CDK13: variants seen among roughly 807,000 people sequenced by gnomAD.
The protein encoded by CDK13 is cyclin dependent kinase 13, also known as cyclin-dependent kinase 13.
Under a neutral mutation model 137.6 loss-of-function variants are expected in CDK13, and 40 were observed. The observed-to-expected ratio is 0.29, with a 90% CI of 0.23 to 0.38. The LOEUF (loss-of-function observed/expected upper bound fraction) is 0.38. Ranked by LOEUF, CDK13 falls within the 10% of genes least tolerant of loss-of-function variation. CDK13 has a pLI of 1.00. For synonymous variants in CDK13, 869 were observed against 760.1 expected (o/e 1.14, Z -2.36); for missense variants, 1,704 against 1,951.8 (o/e 0.87, Z 2.39).
intron 5 of CDK13, among the ~76,000 whole-genome samples, chr7:40,026,776 A>T (rs1409564101): frequency 6.6e-6 from 1 of 152,206 alleles, no homozygotes; most frequent in African/African-American, 2.4e-5. Flanking sequence ...TGAAAATACT[A>T]GGAGAAAATT....
chr7:40,045,717 G>A (rs987845100), intron 5 of CDK13, 119 bp from the exon 6 acceptor site: 2 of 631,384 alleles, frequency 3.2e-6, no homozygotes, highest in Non-Finnish European at 5.4e-6. Flanking sequence ...AAGTAACAAA[G>A]TAACACTTCT....
At chr7:39,963,656 A>G (rs1783801922) in intron 1 of CDK13, among the ~76,000 whole-genome samples, 1 of 152,186 alleles carries the variant, frequency 6.6e-6, no homozygotes, top group Non-Finnish European at 1.5e-5. Flanking sequence ...AACTTCCAAC[A>G]CTATGTTGAA....
At chr7:39,957,950 G>T (rs968482513) in intron 1 of CDK13, among the ~76,000 whole-genome samples, 8 of 151,902 alleles carry the variant, frequency 5.3e-5, no homozygotes, top group African/African-American at 1.7e-4. Context: ...TTTTGGTTTT[G>T]GTTGGCTTTG....
At chr7:40,030,422 A>AT (rs34922492) in intron 5 of CDK13, among the ~76,000 whole-genome samples, 1,639 of 66,010 alleles carry the variant, frequency 0.025, 98 homozygotes, top group Non-Finnish European at 0.036. Flanking sequence ...GCAACCACTG[A>AT]TTTTTTTTTT....
At chr7:40,013,793 G>C (rs182120237) in intron 5 of CDK13, among the ~76,000 whole-genome samples, 1 of 151,848 alleles carries the variant, frequency 6.6e-6, no homozygotes, top group Non-Finnish European at 1.5e-5. Context: ...GTTATTTAAG[G>C]AAAAAAACGA....
chr7:40,077,934 G>A, intron 9 of CDK13, 71 bp from the exon 10 acceptor site: 2 of 624,532 alleles, frequency 3.2e-6, no homozygotes, highest in Non-Finnish European at 5.4e-6. Context: ...ATGAGTTGAT[G>A]TTTTGTATAA....
chr7:40,048,735 A>G (rs1785808107), intron 7 of CDK13: 1 of 151,598 alleles, frequency 6.6e-6, no homozygotes, highest in Non-Finnish European at 1.5e-5. Context: ...TGGTTAAAGC[A>G]ATAAACAAAA....
At chr7:40,044,729 C>T (rs775073568) in intron 5 of CDK13, among the ~76,000 whole-genome samples, 24 of 151,656 alleles carry the variant, frequency 1.6e-4, no homozygotes, top group Admixed American at 1.3e-4. Flanking sequence ...CTCTGCCTCC[C>T]GGGTTCATGC....
chr7:40,009,462 T>G (rs1784853729), intron 5 of CDK13, among the ~76,000 whole-genome samples: 1 of 152,230 alleles, frequency 6.6e-6, no homozygotes, highest in Admixed American at 6.5e-5. Context: ...ATTACTGGTT[T>G]GGTTAGGAAT....
At chr7:40,081,415 A>G (rs1003763883) in intron 11 of CDK13, among the ~76,000 whole-genome samples, 6 of 152,226 alleles carry the variant, frequency 3.9e-5, no homozygotes, top group Non-Finnish European at 5.9e-5. Flanking sequence ...CAACTATCAT[A>G]GCATTTTGAT....
At chr7:40,002,282 A>C (rs906762579) in intron 5 of CDK13, 1 of 251,114 alleles carries the variant, frequency 4.0e-6, no homozygotes, top group Non-Finnish European at 7.6e-6. Context: ...TTTATTGGGC[A>C]TCAGTGTATA....
intron 1 of CDK13, among the ~76,000 whole-genome samples, chr7:39,965,015 A>T (rs1292549233): frequency 2.6e-5 from 4 of 152,082 alleles, no homozygotes; most frequent in African/African-American, 9.7e-5. Flanking sequence ...CTGTTCTTTT[A>T]CATTTGCTGA....
chr7:39,966,291 A>G (rs1168724437), intron 1 of CDK13, among the ~76,000 whole-genome samples: 2 of 152,122 alleles, frequency 1.3e-5, no homozygotes. Flanking sequence ...ACATGGTTCC[A>G]TATTTCTTGG....
chr7:40,014,424 T>C (rs183893326), intron 5 of CDK13, among the ~76,000 whole-genome samples: 2 of 151,086 alleles, frequency 1.3e-5, no homozygotes, highest in African/African-American at 4.9e-5. Flanking sequence ...TAGTTTCTTA[T>C]ACTTAGAGGC....
chr7:39,951,803 A>G lies in CDK13; in HGVS notation c.1162A>G (p.Ser388Gly). ...CGGCGACGTGTCCCCTAGTCCCTAC[A>G]GCAGCAGCAGCTGGCGCCGCTCTCG... ...RGGDVSPSPYSSSSWRRSRSP... is the reference protein window; with the variant it reads ...RGGDVSPSPYGSSSWRRSRSP... Residue 388 changes from serine (S) to glycine (G), a missense_variant, in exon 1 of 14, where the codon AGC becomes GGC. By Grantham distance (56) the Ser-to-Gly change is moderately conservative. This residue lies in a region of CDK13 where 1,051 missense variants were observed against 931.0 expected (regional missense o/e 1.13). Transcript: ENST00000181839. 6.9e-7 allele frequency: 1 copy of G among 1,450,154 alleles called. No homozygotes were observed. The highest frequency in any genetic ancestry group is 1.5e-5 in the South Asian group (1 of 67,154). The allele number at this position is 1,450,154 out of a possible 1,614,324, so 89.8% of individuals were successfully genotyped here. A position where few individuals can be genotyped will look rare whatever the true frequency, so the allele number is the denominator to read the frequency against.
At chr7:40,022,228 C>A (rs1785142868) in intron 5 of CDK13, among the ~76,000 whole-genome samples, 2 of 152,174 alleles carry the variant, frequency 1.3e-5, no homozygotes, top group South Asian at 4.1e-4. Context: ...AGCACAGTGA[C>A]CAGATCTTTC....
intron 5 of CDK13, among the ~76,000 whole-genome samples, chr7:40,025,435 T>C (rs76999705): frequency 0.086 from 13,027 of 152,186 alleles, 969 homozygotes; most frequent in East Asian, 0.33. Context: ...ATTTAAATTA[T>C]ATTTGTAAAT....
At position 39,950,763 on chromosome 7, in the gene CDK13, T is replaced by G. The variant is rs1207314275; in HGVS notation, c.122T>G (p.Leu41Trp). 6.8e-7 allele frequency: 1 copy of G among 1,475,736 alleles called. No individual in the cohort carries two copies. Among genetic ancestry groups the G allele is most frequent in the African/African-American group, 1.5e-5 (1 of 68,150 alleles). The allele number at this position is 1,475,736 out of a possible 1,614,324, so 91.4% of individuals were successfully genotyped here. The change falls in exon 1 of 14, where the codon TTG (leucine) becomes TGG (tryptophan). Residue 41 changes from leucine to tryptophan, a missense_variant. By Grantham distance (61) the Leu-to-Trp change is moderately conservative. This residue lies in a region of CDK13 where 1,051 missense variants were observed against 931.0 expected (regional missense o/e 1.13). Coordinates refer to ENST00000181839, the MANE Select transcript of CDK13 (RefSeq NM_003718.5). The stretch of plus-strand genomic sequence containing the variant: ...TCCCCTCAGCAGCCGCCGCTGCTGT[T>G]GCCGCTCCTGCAGCCGCAGCTCCTG... ...FLSPQQPPLL[L>W]PLLQPQLLQP... is the part of the protein sequence containing the mutation.
intron 1 of CDK13, among the ~76,000 whole-genome samples, chr7:39,971,988 A>G (rs999547003): frequency 6.6e-6 from 1 of 152,256 alleles, no homozygotes; most frequent in African/African-American, 2.4e-5. Flanking sequence ...CAAATTCTTG[A>G]TGGCTACAGA....
Sources: gnomAD v4.1 joint callset for allele counts (sites outside exome capture counted in the v4.1 genomes callset) on GRCh38, gnomAD v4.1.1 for gene constraint, gnomAD v4.1.1 regional missense constraint, MANE v1.5 for transcripts, NCBI Gene and HGNC (gene_info 2026-07-23, HGNC 2026-07-21) for gene names.